NAALADL2: variants seen among roughly 807,000 people sequenced by gnomAD.
The protein encoded by NAALADL2 is inactive N-acetylated-alpha-linked acidic dipeptidase-like protein 2.
NAALADL2 carries 76 observed loss-of-function variants against 87.2 expected under a neutral mutation model. That is an observed-to-expected ratio of 0.87 (90% CI 0.72 to 1.05). The LOEUF (loss-of-function observed/expected upper bound fraction) is 1.05. Among genes scored for constraint, NAALADL2 ranks in the 50% least tolerant of loss-of-function variants. The probability of loss-of-function intolerance (pLI) is 0.00; values close to 1 mark genes in which losing one functional copy is unlikely to be tolerated. For missense variants in NAALADL2, 1,089 were observed against 945.8 expected (o/e 1.15, Z -1.99); for synonymous variants, 354 against 331.0 (o/e 1.07, Z -0.75).
At chr3:175,110,883 A>C (rs1362659744) in intron 2 of NAALADL2, among the ~76,000 whole-genome samples, 1 of 151,742 alleles carries the variant, frequency 6.6e-6, no homozygotes, top group African/African-American at 2.4e-5. Context: ...AAGATGAATG[A>C]CAAGAGAAAG....
chr3:174,901,477 A>G (rs1403265651), intron 1 of NAALADL2, among the ~76,000 whole-genome samples: 6 of 152,208 alleles, frequency 3.9e-5, no homozygotes, highest in Non-Finnish European at 7.3e-5. Flanking sequence ...CTGGGCTTCT[A>G]GTAATCTTTC....
rs533991464 is a variant in NAALADL2, at chr3:174,968,604, C to A, written c.43+109154C>A. ...AAGCAATTCTCCTGCCTCAGCCTCC[C>A]GAGTAGCTGGGATTACAGGTGCACG... On this transcript the variant is annotated intron_variant, in intron 1 of 13. Transcript: ENST00000454872. 2.0e-5 allele frequency among the ~76,000 whole-genome samples: 3 copies of A among 152,084 alleles called. No individual in the cohort carries two copies. The East Asian group carries it at 5.8e-4, about 30-fold the overall frequency.
At chr3:174,797,361 G>T (rs1718263735) in intron 3 of NAALADL2, among the ~76,000 whole-genome samples, 1 of 134,374 alleles carries the variant, frequency 7.4e-6, no homozygotes, top group Admixed American at 7.9e-5. Flanking sequence ...ACCCAGGCTG[G>T]AGTGCAATGG....
chr3:175,502,375 A>G (rs947575958), intron 9 of NAALADL2, among the ~76,000 whole-genome samples: 4 of 152,122 alleles, frequency 2.6e-5, no homozygotes, highest in Non-Finnish European at 5.9e-5. Flanking sequence ...GCTGAAAAGA[A>G]CAAAAAGCCT....
upstream of NAALADL2, among the ~76,000 whole-genome samples, chr3:174,855,775 TACACACACACACACACACACACACAC>T (rs10576439): frequency 7.4e-6 from 1 of 135,624 alleles, no homozygotes; most frequent in Non-Finnish European, 1.6e-5. Context: ...AGGAGAGAAA[TACACACACACACACACACACACACAC>T]ACACACACAC....
intron 1 of NAALADL2, among the ~76,000 whole-genome samples, chr3:174,464,338 G>A (rs184214559): frequency 1.4e-5 from 2 of 146,212 alleles, no homozygotes; most frequent in African/African-American, 5.0e-5. Context: ...TTTGCCGTAA[G>A]TTTAACTCTG....
intron 4 of NAALADL2, among the ~76,000 whole-genome samples, chr3:175,298,237 A>G (rs73184746): frequency 0.09 from 13,715 of 152,198 alleles, 852 homozygotes; most frequent in Middle Eastern, 0.15. Flanking sequence ...GCAACTCTGC[A>G]TGGTGACCTT....
At chr3:175,043,043 G>C (rs1472043339) in intron 1 of NAALADL2, among the ~76,000 whole-genome samples, 1 of 152,096 alleles carries the variant, frequency 6.6e-6, no homozygotes. Flanking sequence ...GAAGCTGCCT[G>C]AGGCCCTCAT....
intron 1 of NAALADL2, among the ~76,000 whole-genome samples, chr3:174,901,331 T>G (rs1430721903): frequency 6.6e-6 from 1 of 152,150 alleles, no homozygotes; most frequent in Non-Finnish European, 1.5e-5. Flanking sequence ...TAGATGGAGC[T>G]TGTGAGAAGT....
At chr3:175,732,065 T>G (rs1275779024) in intron 11 of NAALADL2, among the ~76,000 whole-genome samples, 1 of 152,202 alleles carries the variant, frequency 6.6e-6, no homozygotes, top group Non-Finnish European at 1.5e-5. Context: ...ATAATTTATG[T>G]CAATCTATTG....
At chr3:175,108,465 A>G (rs1289134375) in intron 2 of NAALADL2, among the ~76,000 whole-genome samples, 3 of 152,052 alleles carry the variant, frequency 2.0e-5, no homozygotes, top group Non-Finnish European at 4.4e-5. Context: ...CTGTGAGAAT[A>G]AAATGAAACT....
At chr3:174,648,328 A>G (rs1430786261) in intron 2 of NAALADL2, among the ~76,000 whole-genome samples, 1 of 147,956 alleles carries the variant, frequency 6.8e-6, no homozygotes, top group Non-Finnish European at 1.5e-5. Flanking sequence ...TGCCTCAACA[A>G]CCACCAAAAA....
chr3:174,877,882 C>T (rs536999679), intron 1 of NAALADL2, among the ~76,000 whole-genome samples: 1 of 152,122 alleles, frequency 6.6e-6, no homozygotes, highest in South Asian at 2.1e-4. Context: ...TAGCAAATTC[C>T]TTACAAACAA....
intron 1 of NAALADL2, among the ~76,000 whole-genome samples, chr3:174,885,468 G>T (rs111270497): frequency 6.6e-6 from 1 of 152,074 alleles, no homozygotes; most frequent in African/African-American, 2.4e-5. Flanking sequence ...ATGGTCAAAG[G>T]TATTATGTAT....
At chr3:175,282,521 A>C (rs1485526465) in intron 4 of NAALADL2, among the ~76,000 whole-genome samples, 1 of 152,078 alleles carries the variant, frequency 6.6e-6, no homozygotes, top group Non-Finnish European at 1.5e-5. Flanking sequence ...TCATCTGAAT[A>C]AAAGTAAACT....
At chr3:175,085,067 G>C (rs1718622289) in intron 1 of NAALADL2, among the ~76,000 whole-genome samples, 1 of 152,160 alleles carries the variant, frequency 6.6e-6, no homozygotes, top group African/African-American at 2.4e-5. Flanking sequence ...GGGAAGTTGA[G>C]TTATGTTCTC....
chr3:174,707,276 C>CTT (rs1354473928), intron 2 of NAALADL2, among the ~76,000 whole-genome samples: 8 of 220 alleles, frequency 0.036, no homozygotes, highest in African/African-American at 0.13. Flanking sequence ...ACCATTTGAC[C>CTT]CACCAATCCC....
intron 4 of NAALADL2, among the ~76,000 whole-genome samples, chr3:175,298,030 A>C (rs1351919371): frequency 6.6e-6 from 1 of 152,108 alleles, no homozygotes. Context: ...GCATATAGGG[A>C]TCCCATATAA....
intron 1 of NAALADL2, among the ~76,000 whole-genome samples, chr3:175,052,144 G>C (rs1560517768): frequency 6.6e-6 from 1 of 152,192 alleles, no homozygotes; most frequent in Admixed American, 6.5e-5. Context: ...GGATGGGTCT[G>C]GCTAGTTATC....
Sources: gnomAD v4.1 joint callset for allele counts (sites outside exome capture counted in the v4.1 genomes callset) on GRCh38, gnomAD v4.1.1 for gene constraint, MANE v1.5 for transcripts, NCBI Gene and HGNC (gene_info 2026-07-23, HGNC 2026-07-21) for gene names.